The following DLG2 variants were observed in gnomAD, a reference collection of about 807,000 sequenced individuals.
The protein encoded by DLG2 is discs large MAGUK scaffold protein 2.
In DLG2, 45 loss-of-function variants were observed where a neutral mutation model predicts 132.5. The observed-to-expected ratio is 0.34, with a 90% CI of 0.27 to 0.44. The LOEUF is 0.44. Ranked by LOEUF, DLG2 falls within the 20% of genes least tolerant of loss-of-function variation. The probability of loss-of-function intolerance (pLI) is 1.00; values close to 1 mark genes in which losing one functional copy is unlikely to be tolerated. For missense variants in DLG2, 1,045 were observed against 1,196.9 expected (o/e 0.87, Z 1.87); for synonymous variants, 424 against 419.6 (o/e 1.01, Z -0.13).
chr11:83,532,952 T>C (rs1368428889), intron 20 of DLG2, among the ~76,000 whole-genome samples, 169 bp from the exon 21 acceptor site: 2 of 152,218 alleles, frequency 1.3e-5, no homozygotes, highest in Non-Finnish European at 2.9e-5. Flanking sequence ...ACAAAGTCTC[T>C]AAGTTTCTAA....
chr11:83,853,549 A>C (rs2060089214), intron 16 of DLG2, among the ~76,000 whole-genome samples: 1 of 152,208 alleles, frequency 6.6e-6, no homozygotes, highest in African/African-American at 2.4e-5. Flanking sequence ...TATAAGCCAG[A>C]ACACTAAAGT....
chr11:84,834,413 A>G (rs1348861757), intron 6 of DLG2, among the ~76,000 whole-genome samples: 2 of 151,586 alleles, frequency 1.3e-5, no homozygotes, highest in African/African-American at 4.8e-5. Context: ...TCTCTTTTCT[A>G]TCCTCTTCCC....
chr11:84,293,876 T>A (rs1435795646), intron 7 of DLG2, among the ~76,000 whole-genome samples: 2 of 152,014 alleles, frequency 1.3e-5, no homozygotes, highest in African/African-American at 4.8e-5. Flanking sequence ...AAGCTAAATT[T>A]CCCCAATTAT....
At chr11:85,412,760 C>CACACACACACACATATAT (rs756868795) in intron 3 of DLG2, among the ~76,000 whole-genome samples, 18 of 113,274 alleles carry the variant, frequency 1.6e-4, no homozygotes, top group Non-Finnish European at 2.7e-4. Flanking sequence ...CACACACACA[C>CACACACACACACATATAT]ATATATATAT....
chr11:84,441,475 A>G (rs1477856603), intron 7 of DLG2, among the ~76,000 whole-genome samples: 1 of 152,190 alleles, frequency 6.6e-6, no homozygotes, highest in African/African-American at 2.4e-5. Flanking sequence ...TATTTTGGTA[A>G]AGAATATGTA....
chr11:84,708,198 T>G (rs1459250934), intron 6 of DLG2, among the ~76,000 whole-genome samples: 3 of 151,904 alleles, frequency 2.0e-5, no homozygotes, highest in Admixed American at 1.3e-4. Context: ...TTAATGTGCC[T>G]TAGTGTTCTC....
intron 6 of DLG2, among the ~76,000 whole-genome samples, chr11:84,626,871 T>TTTATTTTATTTTATTTTATTTTA (rs1565492022): frequency 3.4e-5 from 5 of 146,022 alleles, no homozygotes; most frequent in African/African-American, 1.3e-4. Context: ...TTTATTTTAT[T>TTTATTTTATTTTATTTTATTTTA]TTATTTTATT....
At chr11:85,022,838 C>T (rs2060198917) in intron 6 of DLG2, among the ~76,000 whole-genome samples, 1 of 151,912 alleles carries the variant, frequency 6.6e-6, no homozygotes, top group Non-Finnish European at 1.5e-5. Flanking sequence ...TACCATTTAC[C>T]TTATTACTTA....
At chr11:85,250,209 C>T (rs895557962) in intron 4 of DLG2, among the ~76,000 whole-genome samples, 5 of 152,070 alleles carry the variant, frequency 3.3e-5, no homozygotes, top group African/African-American at 7.2e-5. Flanking sequence ...ATCATAAATG[C>T]GTTTCTTTTT....
intron 6 of DLG2, among the ~76,000 whole-genome samples, chr11:84,644,264 A>C (rs1186211834): frequency 6.6e-6 from 1 of 152,158 alleles, no homozygotes; most frequent in African/African-American, 2.4e-5. Context: ...TGAGAGGCTC[A>C]TATCTGTCTG....
intron 18 of DLG2, among the ~76,000 whole-genome samples, chr11:83,709,348 A>AAT (rs1328583247): frequency 2.0e-5 from 3 of 147,594 alleles, no homozygotes; most frequent in Non-Finnish European, 3.0e-5. Flanking sequence ...ACATATATAT[A>AAT]ATATATATAC....
chr11:84,640,957 A>C (rs1414911610), intron 6 of DLG2, among the ~76,000 whole-genome samples: 1 of 147,434 alleles, frequency 6.8e-6, no homozygotes, highest in Non-Finnish European at 1.5e-5. Context: ...ACAAACAAAA[A>C]AAAAAAACAA....
At chr11:84,342,913 C>G (rs921209098) in intron 7 of DLG2, among the ~76,000 whole-genome samples, 1 of 152,132 alleles carries the variant, frequency 6.6e-6, no homozygotes, top group Admixed American at 6.5e-5. Flanking sequence ...GTGCTCATTC[C>G]AGCTGAATTT....
chr11:83,587,059 G>C (rs1345708700), intron 19 of DLG2, among the ~76,000 whole-genome samples: 2 of 152,182 alleles, frequency 1.3e-5, no homozygotes, highest in African/African-American at 2.4e-5. Context: ...TGTTCACAAA[G>C]GGTGTTGTGA....
intron 7 of DLG2, among the ~76,000 whole-genome samples, chr11:84,442,470 T>C (rs750557097): frequency 1.3e-5 from 2 of 150,956 alleles, no homozygotes; most frequent in South Asian, 2.1e-4. Flanking sequence ...TAAGTGGGAG[T>C]TGAACAATGA....
chr11:84,420,142 A>G (rs1251073922), intron 7 of DLG2, among the ~76,000 whole-genome samples: 1 of 152,192 alleles, frequency 6.6e-6, no homozygotes, highest in Non-Finnish European at 1.5e-5. Context: ...TATCACGTAA[A>G]CCTTCTTAGT....
chr11:84,093,957 TTTTTTTA>T (rs903484089), intron 10 of DLG2, among the ~76,000 whole-genome samples: 36 of 151,966 alleles, frequency 2.4e-4, no homozygotes, highest in East Asian at 5.8e-4. Flanking sequence ...TGGGTCTTTT[TTTTTTTA>T]TTTTTTATTT....
At chr11:84,088,420 G>A (rs988797624) in intron 10 of DLG2, among the ~76,000 whole-genome samples, 2 of 151,630 alleles carry the variant, frequency 1.3e-5, no homozygotes, top group African/African-American at 4.8e-5. Flanking sequence ...TTGCCACAAA[G>A]TTATTAATAT....
chr11:83,864,782 T>G (rs1304032133), intron 16 of DLG2, among the ~76,000 whole-genome samples: 3 of 151,958 alleles, frequency 2.0e-5, no homozygotes, highest in South Asian at 4.2e-4. Context: ...CCTGATGGAA[T>G]TTAAGAGTCT....
Sources: allele counts gnomAD v4.1 joint callset (sites outside exome capture counted in the v4.1 genomes callset), GRCh38; gene constraint gnomAD v4.1.1; transcripts MANE v1.5; gene names NCBI Gene and HGNC (gene_info 2026-07-23, HGNC 2026-07-21).